Variants in CTNNA3 observed in about 807,000 individuals in gnomAD.
CTNNA3 encodes the protein catenin alpha 3, also known as catenin alpha-3.
A neutral mutation model predicts 95.7 loss-of-function variants in CTNNA3; 76 were observed. The ratio of observed to expected loss-of-function variants is 0.79; its 90% CI spans 0.66 to 0.96. The LOEUF is 0.96. Ranked by LOEUF, CTNNA3 falls within the 40% of genes least tolerant of loss-of-function variation. CTNNA3 has a pLI of 0.00. For synonymous variants in CTNNA3, 431 were observed against 374.4 expected (o/e 1.15, Z -1.74); for missense variants, 1,191 against 1,089.8 (o/e 1.09, Z -1.31).
chr10:66,641,848 A>G (rs1460973885), intron 9 of CTNNA3, among the ~76,000 whole-genome samples: 1 of 152,140 alleles, frequency 6.6e-6, no homozygotes, highest in African/African-American at 2.4e-5. Flanking sequence ...TCTTATAGCC[A>G]GCAGGCTTCT....
intron 12 of CTNNA3, among the ~76,000 whole-genome samples, chr10:66,378,828 A>T (rs969424629): frequency 2.0e-5 from 3 of 152,178 alleles, no homozygotes; most frequent in Non-Finnish European, 4.4e-5. Flanking sequence ...GGGTTTGGTG[A>T]CTATCACATA....
In CTNNA3 at chr10:65,920,426, T is replaced by C; in HGVS notation, c.2592A>G (p.Pro864=). The C allele has an allele frequency of 6.2e-7, 1 of 1,614,198 alleles. No individual in the cohort carries two copies. Among genetic ancestry groups the C allele is most frequent in the Non-Finnish European group, 8.5e-7 (1 of 1,180,018 alleles). Residue 864 remains proline, a synonymous_variant, in exon 18 of 18, where the codon CCA becomes CCG. Coordinates refer to ENST00000433211, the MANE Select transcript of CTNNA3 (RefSeq NM_013266.4). ...AKKPLIKREK[P]EETCAAVRRG... is the part of the protein sequence containing the mutation. ...GTCTGACAGCTGCACACGTTTCCTC[T>C]GGCTTCTCTCTTTTAATCAAGGGTT...
At chr10:66,098,250 T>C (rs1410045127) in intron 14 of CTNNA3, among the ~76,000 whole-genome samples, 1 of 152,126 alleles carries the variant, frequency 6.6e-6, no homozygotes, top group Non-Finnish European at 1.5e-5. Flanking sequence ...CAATAGTAGA[T>C]CAATGACAAT....
At position 67,585,397 on chromosome 10, in the gene CTNNA3, T is replaced by G. The variant is rs368998042; in HGVS notation, c.292+21460A>C. Among the ~76,000 whole-genome samples, 20 of 152,302 alleles carry G rather than the reference T, an allele frequency of 1.3e-4. 1 individual carries two copies. Among genetic ancestry groups the G allele is most frequent in the African/African-American group, 4.6e-4 (19 of 41,580 alleles). On this transcript the variant is annotated intron_variant, in intron 3 of 17. Transcript: ENST00000433211. ...CTTCCTCCTCAATTTTTTGTAAAAG[T>G]TTCAGGAGGATTAGAATTAGTGCTT...
chr10:67,197,657 T>C (rs1211261678), intron 6 of CTNNA3, among the ~76,000 whole-genome samples: 1 of 152,072 alleles, frequency 6.6e-6, no homozygotes, highest in African/African-American at 2.4e-5. Context: ...TGTTTAAGGA[T>C]TGTGGGTATT....
intron 9 of CTNNA3, among the ~76,000 whole-genome samples, chr10:66,659,121 AAAT>A (rs1178347739): frequency 6.6e-6 from 1 of 152,024 alleles, no homozygotes; most frequent in Admixed American, 6.6e-5. Flanking sequence ...TTGAACAAGA[AAAT>A]TTTCCATACC....
chr10:67,508,826 A>C (rs1003431722), intron 5 of CTNNA3, among the ~76,000 whole-genome samples: 5 of 152,178 alleles, frequency 3.3e-5, no homozygotes, highest in African/African-American at 1.2e-4. Context: ...AGAAAAGAAA[A>C]GAAATGACCC....
chr10:67,294,567 AAT>A (rs1382380698), intron 5 of CTNNA3, among the ~76,000 whole-genome samples: 1 of 152,148 alleles, frequency 6.6e-6, no homozygotes, highest in Non-Finnish European at 1.5e-5. Context: ...TGTCAAATCA[AAT>A]AAATTTATCA....
intron 1 of CTNNA3, among the ~76,000 whole-genome samples, chr10:67,704,810 C>A (rs1589576631): frequency 1.3e-5 from 2 of 152,182 alleles, no homozygotes; most frequent in African/African-American, 4.8e-5. Context: ...TTCTGCACAG[C>A]AAAACAAACT....
chr10:67,352,275 T>C (rs116258793), intron 5 of CTNNA3, among the ~76,000 whole-genome samples: 2,119 of 151,962 alleles, frequency 0.014, 32 homozygotes, highest in African/African-American at 0.035. Context: ...CAGGAACAAA[T>C]AGAAAGCTGC....
intron 1 of CTNNA3, among the ~76,000 whole-genome samples, chr10:67,725,837 T>C (rs1841207430): frequency 6.7e-6 from 1 of 149,228 alleles, no homozygotes; most frequent in African/African-American, 2.5e-5. Flanking sequence ...TTTTTAAGTC[T>C]TATTGTAAAT....
chr10:67,458,078 A>G (rs1847239001), intron 5 of CTNNA3, among the ~76,000 whole-genome samples: 1 of 152,124 alleles, frequency 6.6e-6, no homozygotes, highest in Middle Eastern at 3.2e-3. Context: ...GCCATAATGT[A>G]TATAAAGCAG....
At chr10:66,149,518 A>T (rs1412027005) in intron 13 of CTNNA3, among the ~76,000 whole-genome samples, 1 of 151,418 alleles carries the variant, frequency 6.6e-6, no homozygotes, top group Non-Finnish European at 1.5e-5. Flanking sequence ...GGAATTCACT[A>T]TACAATTATA....
intron 5 of CTNNA3, among the ~76,000 whole-genome samples, chr10:67,521,033 C>T (rs1230367947): frequency 6.6e-6 from 1 of 152,164 alleles, no homozygotes; most frequent in Non-Finnish European, 1.5e-5. Context: ...AGCACATTAC[C>T]GAATTTCATG....
intron 6 of CTNNA3, among the ~76,000 whole-genome samples, chr10:67,184,491 G>A (rs1039913360): frequency 2.0e-5 from 3 of 152,148 alleles, no homozygotes; most frequent in Admixed American, 1.3e-4. Context: ...GTAGAAAGTT[G>A]GCTCAACTTT....
intron 12 of CTNNA3, among the ~76,000 whole-genome samples, chr10:66,324,597 C>A (rs932739022): frequency 1.3e-5 from 2 of 152,286 alleles, no homozygotes; most frequent in Non-Finnish European, 1.5e-5. Context: ...CCAGCCTCTG[C>A]ACCTGCCCAT....
rs896550171 is a variant in CTNNA3 at position 65,918,226 on chromosome 10, T to C, written c.*2104A>G. ...ATACTGCATGTTCTAAACTCCAACA[T>C]GTGGAAAGATGATGTTGGGTCCGGT... On this transcript the variant is annotated 3_prime_UTR_variant, in exon 18 of 18. Coordinates refer to ENST00000433211, the MANE Select transcript of CTNNA3 (RefSeq NM_013266.4). The C allele has an allele frequency of 1.3e-5, 2 of 152,190 alleles. No individual in the cohort carries two copies. The highest frequency in any genetic ancestry group is 2.9e-5 in the Non-Finnish European group (2 of 68,028). The allele number at this position is 152,190 out of a possible 1,614,324, so 9.4% of individuals were successfully genotyped here.
chr10:66,968,244 T>G (rs1339426155), intron 7 of CTNNA3, among the ~76,000 whole-genome samples: 3 of 151,814 alleles, frequency 2.0e-5, no homozygotes, highest in Non-Finnish European at 4.4e-5. Flanking sequence ...GTTTTAATTT[T>G]TAAAAACAGT....
intron 12 of CTNNA3, among the ~76,000 whole-genome samples, chr10:66,333,572 G>A (rs1365748101): frequency 5.9e-5 from 9 of 152,104 alleles, no homozygotes; most frequent in African/African-American, 2.2e-4. Flanking sequence ...GTTCGAGTTT[G>A]ATTGCACTGT....
Sources: allele counts gnomAD v4.1 joint callset (sites outside exome capture counted in the v4.1 genomes callset), GRCh38; gene constraint gnomAD v4.1.1; transcripts MANE v1.5; gene names NCBI Gene and HGNC (gene_info 2026-07-23, HGNC 2026-07-21).